The following CYP39A1 variants were observed in gnomAD, a reference collection of about 807,000 sequenced individuals.
CYP39A1 encodes 24-hydroxycholesterol 7-alpha-hydroxylase.
CYP39A1 carries 49 observed loss-of-function variants against 58.1 expected under a neutral mutation model. The ratio of observed to expected loss-of-function variants is 0.84; its 90% CI spans 0.67 to 1.07. The LOEUF (loss-of-function observed/expected upper bound fraction) is 1.07. Among genes scored for constraint, CYP39A1 ranks in the 50% least tolerant of loss-of-function variants. The pLI, the probability that CYP39A1 is intolerant of heterozygous loss-of-function variation, is 0.00. For synonymous variants in CYP39A1, 209 were observed against 187.6 expected (o/e 1.11, Z -0.93); for missense variants, 531 against 539.4 (o/e 0.98, Z 0.16).
At chr6:46,618,036 G>A (rs1257778649) in intron 7 of CYP39A1, among the ~76,000 whole-genome samples, 4 of 152,064 alleles carry the variant, frequency 2.6e-5, no homozygotes, top group Non-Finnish European at 5.9e-5. Context: ...CTAATATTTG[G>A]AAGTAGAAAA....
chr6:46,589,453 G>A (rs1051254665), intron 8 of CYP39A1, among the ~76,000 whole-genome samples: 17 of 151,998 alleles, frequency 1.1e-4, no homozygotes, highest in South Asian at 2.1e-4. Flanking sequence ...ATTCTGTCTC[G>A]AAGAAAAATA....
chr6:46,576,900 C>A (rs1042142725), intron 10 of CYP39A1, among the ~76,000 whole-genome samples: 1 of 152,144 alleles, frequency 6.6e-6, no homozygotes, highest in African/African-American at 2.4e-5. Context: ...GGAGAGAGAA[C>A]AAGCAACTTG....
chr6:46,643,004 T>G (rs1056614489), intron 1 of CYP39A1, among the ~76,000 whole-genome samples: 3 of 152,170 alleles, frequency 2.0e-5, no homozygotes, highest in African/African-American at 7.2e-5. Context: ...ATTTGTGTTA[T>G]GGATCCTACA....
chr6:46,576,343 T>A (rs1416810427), intron 10 of CYP39A1, among the ~76,000 whole-genome samples: 3 of 151,954 alleles, frequency 2.0e-5, no homozygotes, highest in African/African-American at 7.3e-5. Context: ...TCAAAGAATA[T>A]AAGAAGCAAA....
intron 7 of CYP39A1, among the ~76,000 whole-genome samples, chr6:46,611,200 G>A (rs958117366): frequency 1.3e-5 from 2 of 152,204 alleles, no homozygotes; most frequent in African/African-American, 4.8e-5. Flanking sequence ...TGGCCTTTTG[G>A]CATGTGAAGG....
chr6:46,622,926 A>G (rs1433777700), intron 7 of CYP39A1, among the ~76,000 whole-genome samples: 1 of 152,234 alleles, frequency 6.6e-6, no homozygotes, highest in Non-Finnish European at 1.5e-5. Context: ...GAAAAGTGGT[A>G]TGAGTCTGAC....
At chr6:46,588,173 C>G in intron 8 of CYP39A1, 44 bp from the exon 9 acceptor site, 2 of 1,247,292 alleles carry the variant, frequency 1.6e-6, no homozygotes, top group Non-Finnish European at 2.3e-6. Flanking sequence ...TTGAAATATA[C>G]TTTAAAGAGA....
intron 8 of CYP39A1, among the ~76,000 whole-genome samples, chr6:46,591,422 C>G (rs915824240): frequency 2.0e-5 from 3 of 151,944 alleles, no homozygotes; most frequent in African/African-American, 7.2e-5. Context: ...ATGGTACATT[C>G]AAATCTGTTT....
intron 1 of CYP39A1, 134 bp from the exon 2 acceptor site, chr6:46,642,432 T>C: frequency 1.2e-6 from 1 of 821,868 alleles, no homozygotes; most frequent in Non-Finnish European, 1.8e-6. Flanking sequence ...CAATTAGTTA[T>C]AAATTTTGAT....
chr6:46,589,790 GT>G (rs1344356626), intron 8 of CYP39A1, among the ~76,000 whole-genome samples: 2 of 152,128 alleles, frequency 1.3e-5, no homozygotes, highest in Admixed American at 1.3e-4. Context: ...TGAGAGCAGG[GT>G]TGGGGGCAGC....
chr6:46,587,886 T>C lies in CYP39A1; in HGVS notation c.1161+148A>G, dbSNP rs111423940. 30 of 474,802 alleles carry C rather than the reference T, an allele frequency of 6.3e-5. 1 individual carries two copies. Among genetic ancestry groups the C allele is most frequent in the African/African-American group, 4.3e-4 (21 of 49,254 alleles). 29.4% of individuals were successfully genotyped at this position (474,802 alleles called of 1,614,324 possible). On this transcript the variant is annotated intron_variant, in intron 9 of 11. Coordinates refer to ENST00000275016, the MANE Select transcript of CYP39A1 (RefSeq NM_016593.5). ...TTGCACTATCTATATTGCAAATCTGTTCTGTACTTTGTAGTCAACTTTGTT... is the reference window on the plus strand; with the variant it reads ...TTGCACTATCTATATTGCAAATCTGCTCTGTACTTTGTAGTCAACTTTGTT...
At chr6:46,578,121 A>G (rs924766269) in intron 10 of CYP39A1, among the ~76,000 whole-genome samples, 10 of 152,164 alleles carry the variant, frequency 6.6e-5, no homozygotes, top group African/African-American at 1.9e-4. Flanking sequence ...AATACCAAGA[A>G]CATCTCTCAA....
intron 6 of CYP39A1, among the ~76,000 whole-genome samples, chr6:46,627,608 C>T (rs1775399979): frequency 6.6e-6 from 1 of 151,900 alleles, no homozygotes; most frequent in Non-Finnish European, 1.5e-5. Flanking sequence ...TTAGTAGAGA[C>T]AGGGTTTCAC....
intron 5 of CYP39A1, among the ~76,000 whole-genome samples, chr6:46,634,237 C>T (rs1163619095): frequency 1.3e-5 from 2 of 152,138 alleles, no homozygotes; most frequent in East Asian, 3.9e-4. Flanking sequence ...CCCACACAAG[C>T]TCTCTCTCCT....
chr6:46,569,880 T>C (rs1434396086), intron 10 of CYP39A1, among the ~76,000 whole-genome samples: 2 of 152,070 alleles, frequency 1.3e-5, no homozygotes, highest in East Asian at 1.9e-4. Context: ...GGTAATGCTT[T>C]GTAAAATGGG....
At chr6:46,610,600 C>T (rs1157893998) in intron 7 of CYP39A1, among the ~76,000 whole-genome samples, 4 of 152,178 alleles carry the variant, frequency 2.6e-5, no homozygotes, top group Non-Finnish European at 5.9e-5. Flanking sequence ...CCATCTCAGT[C>T]TCCCAAAGTG....
rs571253945 is a variant in CYP39A1, at chr6:46,595,910, C to T, written c.1065+77G>A. 1.2e-3 allele frequency: 1,604 copies of T among 1,354,660 alleles called. 29 individuals carry two copies. The highest frequency in any genetic ancestry group is 3.5e-3 in the South Asian group (264 of 74,602). 83.9% of individuals were successfully genotyped at this position (1,354,660 alleles called of 1,614,324 possible). ...GTAAAAATAAATCAAGATATGTCAA[C>T]CTGAAAAATATATGTGGGCAAAATG... is the stretch of plus-strand genomic sequence containing the variant. On this transcript the variant is annotated intron_variant, in intron 8 of 11. Coordinates refer to ENST00000275016, the MANE Select transcript of CYP39A1 (RefSeq NM_016593.5).
chr6:46,587,936 G>T, intron 9 of CYP39A1, 98 bp downstream of exon 9: 1 of 639,060 alleles, frequency 1.6e-6, no homozygotes, highest in Non-Finnish European at 2.5e-6. Context: ...AAATATGGCT[G>T]CTTAATTATA....
intron 10 of CYP39A1, among the ~76,000 whole-genome samples, chr6:46,558,779 C>T (rs970501406): frequency 2.6e-5 from 4 of 152,032 alleles, no homozygotes; most frequent in African/African-American, 9.7e-5. Context: ...GGGTGGATTA[C>T]TAGGTCATGA....
Sources: gnomAD v4.1 joint callset for allele counts (sites outside exome capture counted in the v4.1 genomes callset) on GRCh38, gnomAD v4.1.1 for gene constraint, MANE v1.5 for transcripts, NCBI Gene and HGNC (gene_info 2026-07-23, HGNC 2026-07-21) for gene names.